The following BAZ2B variants were observed in gnomAD, a reference collection of about 807,000 sequenced individuals.
BAZ2B encodes bromodomain adjacent to zinc finger domain protein 2B.
In BAZ2B, 91 loss-of-function variants were observed where a neutral mutation model predicts 246.0. That is an observed-to-expected ratio of 0.37 (90% CI 0.31 to 0.44). BAZ2B has a LOEUF of 0.44. Ranked by LOEUF, BAZ2B falls within the 20% of genes least tolerant of loss-of-function variation. The probability of loss-of-function intolerance (pLI) is 1.00; values close to 1 mark genes in which losing one functional copy is unlikely to be tolerated. For synonymous variants in BAZ2B, 855 were observed against 860.0 expected (o/e 0.99, Z 0.10); for missense variants, 2,332 against 2,533.7 (o/e 0.92, Z 1.71).
Position 159,382,654 on chromosome 2 carries a change from C to T in BAZ2B, c.3910G>A (p.Asp1304Asn). 1 of 1,597,462 alleles carries T rather than the reference C, an allele frequency of 6.3e-7. No individual in the cohort carries two copies. Among genetic ancestry groups the T allele is most frequent in the Non-Finnish European group, 8.5e-7 (1 of 1,170,002 alleles). The change falls in exon 25 of 37, where the codon GAC becomes AAC. Residue 1304 changes from aspartate to asparagine, a missense_variant. This residue lies in a region of BAZ2B where 676 missense variants were observed against 668.6 expected (regional missense o/e 1.01). Coordinates refer to ENST00000392783, the MANE Select transcript of BAZ2B (RefSeq NM_013450.4). ...GGDSDYDDDD[D>N]DDSDDQGDED... ...TCCCCTTGGTCATCACTGTCATCGT[C>T]ATCATCATCGTCATAATCACTGTCT...
intron 13 of BAZ2B, among the ~76,000 whole-genome samples, chr2:159,427,420 CAA>C: frequency 6.6e-6 from 1 of 151,938 alleles, no homozygotes; most frequent in East Asian, 1.9e-4. Context: ...TGAATTTCTG[CAA>C]AAACCAGAAA....
At chr2:159,394,785 A>G (rs1426977430) in intron 20 of BAZ2B, among the ~76,000 whole-genome samples, 1 of 152,194 alleles carries the variant, frequency 6.6e-6, no homozygotes, top group African/African-American at 2.4e-5. Context: ...ATTCAGTATT[A>G]TCTTCATTTT....
At chr2:159,626,972 A>G in the BAZ2B span, among the ~76,000 whole-genome samples, 1 of 152,194 alleles carries the variant, frequency 6.6e-6, no homozygotes, top group Non-Finnish European at 1.5e-5. Flanking sequence ...GCAATAAAAA[A>G]TGATGAAGTG....
intron 3 of BAZ2B, chr2:159,459,436 C>A (rs1034295137): frequency 2.6e-5 from 4 of 152,188 alleles, no homozygotes; most frequent in African/African-American, 9.7e-5. Flanking sequence ...AAGTCACTCA[C>A]AAGGTTAGTA....
intron 13 of BAZ2B, among the ~76,000 whole-genome samples, chr2:159,416,894 A>C (rs2067817586): frequency 1.3e-5 from 2 of 152,362 alleles, no homozygotes; most frequent in Admixed American, 1.3e-4. Flanking sequence ...AATTCATTGA[A>C]GAGCCAAAAT....
At chr2:159,399,725 G>GA (rs1254482865) in intron 17 of BAZ2B, among the ~76,000 whole-genome samples, 2 of 152,120 alleles carry the variant, frequency 1.3e-5, no homozygotes, top group African/African-American at 4.8e-5. Context: ...CTGTAACAGA[G>GA]AAAACCTCAG....
intron 24 of BAZ2B, among the ~76,000 whole-genome samples, chr2:159,383,023 A>G (rs773887571): frequency 6.6e-6 from 1 of 152,094 alleles, no homozygotes; most frequent in African/African-American, 2.4e-5. Flanking sequence ...ATCTCTTTGG[A>G]ATTAGACTCA....
chr2:159,380,414 A>G (rs1321730782), intron 25 of BAZ2B, among the ~76,000 whole-genome samples: 1 of 152,180 alleles, frequency 6.6e-6, no homozygotes, highest in Non-Finnish European at 1.5e-5. Flanking sequence ...TTCAATCAAC[A>G]TTTTTGGTCC....
intron 2 of BAZ2B, among the ~76,000 whole-genome samples, chr2:159,525,035 T>C (rs751295389): frequency 7.9e-4 from 120 of 152,022 alleles, no homozygotes; most frequent in Middle Eastern, 3.4e-3. Flanking sequence ...TAAAGATAAA[T>C]ACATGGAACA....
At chr2:159,579,171 C>T (rs571504564) in intron 1 of BAZ2B, among the ~76,000 whole-genome samples, 2 of 152,066 alleles carry the variant, frequency 1.3e-5, no homozygotes, top group East Asian at 1.9e-4. Flanking sequence ...ACTGATAGAT[C>T]GCTAGCAAGA....
At chr2:159,372,203 A>G (rs894875800) in intron 27 of BAZ2B, among the ~76,000 whole-genome samples, 11 of 152,192 alleles carry the variant, frequency 7.2e-5, no homozygotes, top group Admixed American at 1.3e-4. Flanking sequence ...GTGCCTAGAA[A>G]TGTCTAGCAC....
chr2:159,688,673 T>C, the BAZ2B span, among the ~76,000 whole-genome samples: 4 of 152,212 alleles, frequency 2.6e-5, no homozygotes, highest in African/African-American at 9.6e-5. Flanking sequence ...GGGTCATACA[T>C]TATTTTTAAT....
At chr2:159,599,125 C>T (rs533914294) in intron 1 of BAZ2B, among the ~76,000 whole-genome samples, 59 of 152,012 alleles carry the variant, frequency 3.9e-4, no homozygotes, top group African/African-American at 1.4e-3. Context: ...AGCTACTCAA[C>T]TTATTGAGCA....
chr2:159,667,294 A>G, the BAZ2B span, among the ~76,000 whole-genome samples: 1 of 151,966 alleles, frequency 6.6e-6, no homozygotes, highest in Non-Finnish European at 1.5e-5. Context: ...TATATCAACA[A>G]TTTATTGAAA....
the BAZ2B span, among the ~76,000 whole-genome samples, chr2:159,708,573 A>C: frequency 6.2e-3 from 688 of 110,896 alleles, 4 homozygotes; most frequent in African/African-American, 0.02. Flanking sequence ...TTATTTATTT[A>C]TTTATTTCTT....
intron 2 of BAZ2B, among the ~76,000 whole-genome samples, chr2:159,544,452 T>G (rs1208347590): frequency 1.3e-5 from 2 of 152,186 alleles, no homozygotes; most frequent in African/African-American, 4.8e-5. Flanking sequence ...CTTGAGCGGC[T>G]AAGTAGATGT....
At chr2:159,633,851 T>C in the BAZ2B span, among the ~76,000 whole-genome samples, 1 of 150,810 alleles carries the variant, frequency 6.6e-6, no homozygotes. Context: ...GCAATTCTCA[T>C]GCCTCAGCCT....
At chr2:159,349,311 G>T (rs2149136640) in intron 28 of BAZ2B, 31 bp from the exon 29 acceptor site, 1 of 1,550,076 alleles carries the variant, frequency 6.5e-7, no homozygotes, top group East Asian at 2.3e-5. Flanking sequence ...TTAATGAAAA[G>T]TAGATTACTC....
chr2:159,696,925 T>G, the BAZ2B span, among the ~76,000 whole-genome samples: 1 of 152,178 alleles, frequency 6.6e-6, no homozygotes, highest in Non-Finnish European at 1.5e-5. Context: ...TAGCTGCGAC[T>G]ACAGGTGCGT....
Sources: gnomAD v4.1 joint callset for allele counts (sites outside exome capture counted in the v4.1 genomes callset) on GRCh38, gnomAD v4.1.1 for gene constraint, gnomAD v4.1.1 regional missense constraint, MANE v1.5 for transcripts, NCBI Gene and HGNC (gene_info 2026-07-23, HGNC 2026-07-21) for gene names.